Variants in ANO5 observed in about 807,000 individuals in gnomAD.
ANO5 encodes anoctamin 5.
Under a neutral mutation model 121.0 loss-of-function variants are expected in ANO5, and 109 were observed. That is an observed-to-expected ratio of 0.90 (90% confidence interval 0.77 to 1.06). The LOEUF is 1.06. Ranked by LOEUF, ANO5 falls within the 50% of genes least tolerant of loss-of-function variation. The pLI is 0.00. For missense variants in ANO5, 1,064 were observed against 1,078.5 expected, an observed-to-expected ratio of 0.99 and a Z score of 0.19; for synonymous variants, 406 against 359.9, an observed-to-expected ratio of 1.13 and a Z score of -1.45.
chr11:22,227,725 G>A (rs965780747), intron 7 of ANO5, 139 bp downstream of exon 7: 11 of 1,090,100 alleles, frequency 1.0e-5, no homozygotes, highest in Non-Finnish European at 1.5e-5. Context: ...ATATTGGGGA[G>A]TTTGAAAGTC....
At chr11:22,274,824 G>T in intron 20 of ANO5, 77 bp downstream of exon 20, 3 of 1,516,712 alleles carry the variant, frequency 2.0e-6, no homozygotes, top group Non-Finnish European at 1.8e-6. Flanking sequence ...TTACCTTTCT[G>T]TCTTACAATA....
chr11:22,206,740 C>A (rs1852134223), intron 2 of ANO5, among the ~76,000 whole-genome samples: 1 of 152,000 alleles, frequency 6.6e-6, no homozygotes, highest in South Asian at 2.1e-4. Context: ...AACACAAACT[C>A]TCAGAAAACC....
Position 22,272,849 on chromosome 11 carries a change from A to G in ANO5, c.2095A>G (p.Ile699Val). 1 of 1,614,040 alleles carries G rather than the reference A, an allele frequency of 6.2e-7. No homozygotes were observed. Among genetic ancestry groups the G allele is most frequent in the Non-Finnish European group, 8.5e-7 (1 of 1,180,006 alleles). Residue 699 changes from isoleucine (I) to valine (V), a missense_variant, in exon 19 of 22, where the codon ATA (isoleucine) becomes GTA (valine). Transcript: ENST00000324559. ...TCCTTTGGCTCCTCTTCTTGCTCTC[A>G]TAAATAATATTGTAGAGATTCGAGT... ...SFPLAPLLAL[I>V]NNIVEIRVDA...
intron 12 of ANO5, among the ~76,000 whole-genome samples, chr11:22,251,610 G>A (rs373251752): frequency 3.8e-4 from 58 of 152,198 alleles, no homozygotes; most frequent in Admixed American, 2.2e-3. Flanking sequence ...GAATAACTTC[G>A]TTGGAAGAGA....
At position 22,195,232 on chromosome 11, in the gene ANO5, A is replaced by C. The variant is rs2133481345; in HGVS notation, c.40+1700A>C. Among the ~76,000 whole-genome samples the C allele has an allele frequency of 1.3e-5, 2 of 152,260 alleles. 1 individual carries two copies. The highest frequency in any genetic ancestry group is 6.8e-3 in the Middle Eastern group (2 of 294). ...ACTTATTAGTTATTCACGTTTTTGG[A>C]GAAGTGTCTATTCAGATCATTTGCC... On this transcript the variant is annotated intron_variant, in intron 1 of 21. Coordinates refer to ENST00000324559, the MANE Select transcript of ANO5 (RefSeq NM_213599.3).
chr11:22,200,294 C>T (rs1851926735), intron 1 of ANO5, among the ~76,000 whole-genome samples: 1 of 152,084 alleles, frequency 6.6e-6, no homozygotes, highest in African/African-American at 2.4e-5. Context: ...TAATATCTGA[C>T]AAATAGTCAG....
intron 3 of ANO5, among the ~76,000 whole-genome samples, chr11:22,211,947 A>T (rs1173588410): frequency 2.0e-5 from 3 of 151,458 alleles, no homozygotes; most frequent in Non-Finnish European, 1.5e-5. Flanking sequence ...GATATTGATC[A>T]AATTAAAACA....
upstream of ANO5, chr11:22,192,887 G>C (rs1222752279): frequency 9.1e-6 from 7 of 766,108 alleles, no homozygotes; most frequent in African/African-American, 1.9e-5. Context: ...GGAGGTGCGG[G>C]AGGCGGCAGA....
intron 10 of ANO5, 57 bp downstream of exon 10, chr11:22,250,428 A>AGTT (rs1266195409): frequency 1.3e-6 from 2 of 1,598,938 alleles, no homozygotes; most frequent in East Asian, 4.5e-5. Flanking sequence ...TGCCAAATGA[A>AGTT]GTTGTTGTTA....
intron 6 of ANO5, among the ~76,000 whole-genome samples, chr11:22,226,998 G>A (rs555085643): frequency 6.6e-6 from 1 of 152,224 alleles, no homozygotes; most frequent in South Asian, 2.1e-4. Flanking sequence ...TGTGGATTTA[G>A]AGATGAGTAT....
At chr11:22,223,755 T>C (rs1852734595) in intron 5 of ANO5, among the ~76,000 whole-genome samples, 1 of 152,122 alleles carries the variant, frequency 6.6e-6, no homozygotes, top group Admixed American at 6.6e-5. Flanking sequence ...TCCTAAATTA[T>C]ATTTGATATT....
chr11:22,218,402 G>T, intron 4 of ANO5, 115 bp downstream of exon 4: 1 of 1,352,304 alleles, frequency 7.4e-7, no homozygotes, highest in Non-Finnish European at 1.1e-6. Flanking sequence ...CTAATTCCTA[G>T]TCCCCAGGCA....
intron 8 of ANO5, among the ~76,000 whole-genome samples, chr11:22,237,152 TTTACTC>T (rs1298610059): frequency 2.0e-5 from 3 of 152,188 alleles, no homozygotes; most frequent in Non-Finnish European, 2.9e-5. Context: ...TTGTTACAGT[TTTACTC>T]TTCCATACTT....
At chr11:22,214,370 T>C (rs911726409) in intron 3 of ANO5, among the ~76,000 whole-genome samples, 32 of 151,954 alleles carry the variant, frequency 2.1e-4, no homozygotes, top group African/African-American at 6.3e-4. Flanking sequence ...AGTTTGGTTT[T>C]TTTTAAATAT....
At chr11:22,241,569 T>A (rs1040337121) in intron 9 of ANO5, among the ~76,000 whole-genome samples, 1 of 152,114 alleles carries the variant, frequency 6.6e-6, no homozygotes, top group Non-Finnish European at 1.5e-5. Flanking sequence ...ATTTCTTGAC[T>A]TTTTAATCAT....
chr11:22,259,850 A>G, intron 15 of ANO5, 109 bp downstream of exon 15: 1 of 1,168,230 alleles, frequency 8.6e-7, no homozygotes, highest in Non-Finnish European at 1.2e-6. Flanking sequence ...ACACATTTTA[A>G]GGCAGTTTTT....
chr11:22,265,786 T>C (rs1228853595), intron 17 of ANO5, among the ~76,000 whole-genome samples: 1 of 151,972 alleles, frequency 6.6e-6, no homozygotes, highest in Non-Finnish European at 1.5e-5. Context: ...CCCAAACAAG[T>C]ATGATAAAAG....
At chr11:22,274,472 T>A (rs1250807524) in intron 19 of ANO5, 97 bp from the exon 20 acceptor site, 7 of 1,115,062 alleles carry the variant, frequency 6.3e-6, no homozygotes, top group Non-Finnish European at 8.9e-6. Flanking sequence ...TCATTTTGCA[T>A]CTATATAATT....
intron 3 of ANO5, among the ~76,000 whole-genome samples, chr11:22,216,278 T>C (rs1026765670): frequency 6.6e-6 from 1 of 151,934 alleles, no homozygotes; most frequent in Non-Finnish European, 1.5e-5. Flanking sequence ...TTTTTAAAAG[T>C]GGTTGTACCA....
Sources: allele counts gnomAD v4.1 joint callset (sites outside exome capture counted in the v4.1 genomes callset), GRCh38; gene constraint gnomAD v4.1.1; transcripts MANE v1.5; gene names NCBI Gene and HGNC (gene_info 2026-07-23, HGNC 2026-07-21).